The following KIAA1671 variants were observed in gnomAD, a reference collection of about 807,000 sequenced individuals.
KIAA1671 encodes KIAA1671.
Under a neutral mutation model 131.2 loss-of-function variants are expected in KIAA1671, and 52 were observed. The ratio of observed to expected loss-of-function variants is 0.40; its 90% CI spans 0.32 to 0.50. The LOEUF is 0.50. Ranked by LOEUF, KIAA1671 falls within the 20% of genes least tolerant of loss-of-function variation. The pLI is 0.73. For synonymous variants in KIAA1671, 1,003 were observed against 961.6 expected, an observed-to-expected ratio of 1.04 and a Z score of -0.80; for missense variants, 2,360 against 2,364.2, an observed-to-expected ratio of 1.00 and a Z score of 0.04.
At chr22:25,056,279 A>G (rs1001798719) in intron 6 of KIAA1671, 1 of 148,650 alleles carries the variant, frequency 6.7e-6, no homozygotes, top group African/African-American at 2.4e-5. Context: ...TCTTTGATGC[A>G]CAAAATTTAT....
At chr22:25,133,677 G>C (rs1241759041) in intron 6 of KIAA1671, among the ~76,000 whole-genome samples, 1 of 152,074 alleles carries the variant, frequency 6.6e-6, no homozygotes, top group Non-Finnish European at 1.5e-5. Context: ...CGAGTAGCTG[G>C]GACTACAGGC....
intron 1 of KIAA1671, among the ~76,000 whole-genome samples, chr22:24,987,677 C>T (rs961025486): frequency 6.6e-6 from 1 of 152,066 alleles, no homozygotes; most frequent in South Asian, 2.1e-4. Flanking sequence ...TGCTGTATTG[C>T]CCAGCCTGGC....
intron 1 of KIAA1671, among the ~76,000 whole-genome samples, chr22:24,959,123 A>G (rs1921880186): frequency 6.6e-6 from 1 of 152,030 alleles, no homozygotes; most frequent in South Asian, 2.1e-4. Flanking sequence ...TGATTGCACC[A>G]CTGCACTTTA....
At chr22:25,179,346 C>G in intron 9 of KIAA1671, 1 of 1,594,168 alleles carries the variant, frequency 6.3e-7, no homozygotes, top group African/African-American at 1.3e-5. Context: ...CTTGTTCCTG[C>G]GCACCTCGGC....
chr22:25,006,527 C>T (rs1924760623), intron 1 of KIAA1671, among the ~76,000 whole-genome samples: 2 of 152,148 alleles, frequency 1.3e-5, no homozygotes, highest in African/African-American at 2.4e-5. Flanking sequence ...GTTTTTCAGG[C>T]AGCCATTCAG....
At chr22:25,181,247 T>C (rs8139158) in intron 9 of KIAA1671, among the ~76,000 whole-genome samples, 49,475 of 151,866 alleles carry the variant, frequency 0.33, 8,453 homozygotes, top group East Asian at 0.48. Context: ...GATAGGGGAG[T>C]TGGGGTCAAG....
At chr22:25,167,591 A>T (rs2146006210) in intron 6 of KIAA1671, among the ~76,000 whole-genome samples, 1 of 152,294 alleles carries the variant, frequency 6.6e-6, no homozygotes, top group East Asian at 1.9e-4. Flanking sequence ...TTCTTTTAAA[A>T]TGTATTCTTT....
intron 6 of KIAA1671, among the ~76,000 whole-genome samples, chr22:25,108,788 C>T (rs1373159558): frequency 2.0e-5 from 3 of 152,092 alleles, no homozygotes; most frequent in African/African-American, 7.2e-5. Context: ...GTCTATGGGC[C>T]AGGAATTTGG....
rs188731836 is a variant in KIAA1671, at chr22:24,956,858, C to T, written c.-208+4086C>T. ...CTGCACTCCAGCCTGGGCGAGAGAG[C>T]GAGACTCTGTCTCAAAAAAAAAAAA... is the stretch of plus-strand genomic sequence containing the variant. On this transcript the variant is annotated intron_variant, in intron 1 of 12. Coordinates refer to ENST00000358431, the MANE Select transcript of KIAA1671 (RefSeq NM_001145206.2). Among the ~76,000 whole-genome samples, 489 of 128,462 alleles carry T rather than the reference C, an allele frequency of 3.8e-3. 3 individuals are homozygous for T. The highest frequency in any genetic ancestry group is 0.015 in the African/African-American group (450 of 31,006). The allele number at this position is 128,462 out of a possible 152,430, so 84.3% of individuals were successfully genotyped here.
rs759138647 is a variant in KIAA1671 at position 25,059,882 on chromosome 22, A to G, written c.4530+10518A>G. On this transcript the variant is annotated intron_variant, in intron 6 of 12. Transcript: ENST00000358431. Reference sequence around the variant, plus strand: ...AAATGGAGAATTTAGTTGGGGGCAGAATTCTGAGGGCAAAGTCCCTTCCAA... The same window carrying G: ...AAATGGAGAATTTAGTTGGGGGCAGGATTCTGAGGGCAAAGTCCCTTCCAA... 1.0e-3 allele frequency: 153 copies of G among 152,306 alleles called. 1 individual carries two copies. The highest frequency in any genetic ancestry group is 1.7e-3 in the Non-Finnish European group (118 of 68,014). 9.4% of individuals were successfully genotyped at this position (152,306 alleles called of 1,614,324 possible). A position where few individuals can be genotyped will look rare whatever the true frequency, so the allele number is the denominator to read the frequency against.
intron 1 of KIAA1671, among the ~76,000 whole-genome samples, chr22:24,981,062 C>CTGTGTG (rs35906863): frequency 0.042 from 6,248 of 148,872 alleles, 139 homozygotes; most frequent in East Asian, 0.078. Flanking sequence ...TTGTTATTTT[C>CTGTGTG]TGTGTGTGTG....
At chr22:25,089,266 A>ATT (rs34941122) in intron 6 of KIAA1671, among the ~76,000 whole-genome samples, 1,787 of 89,056 alleles carry the variant, frequency 0.02, 13 homozygotes, top group African/African-American at 0.053. Flanking sequence ...TGTGTGTTTA[A>ATT]TTTTTTTTTT....
chr22:24,962,349 C>G (rs2123799748), intron 1 of KIAA1671, among the ~76,000 whole-genome samples: 1 of 152,246 alleles, frequency 6.6e-6, no homozygotes, highest in Admixed American at 6.5e-5. Context: ...CTGTGAAATG[C>G]TTGGCATGAG....
At chr22:25,165,067 G>A (rs989878391) in intron 6 of KIAA1671, among the ~76,000 whole-genome samples, 1 of 151,314 alleles carries the variant, frequency 6.6e-6, no homozygotes, top group African/African-American at 2.4e-5. Context: ...CTAAGCTCAA[G>A]TGTTGATTTG....
chr22:25,003,127 T>A (rs2043748688), intron 1 of KIAA1671, among the ~76,000 whole-genome samples: 1 of 152,196 alleles, frequency 6.6e-6, no homozygotes, highest in Non-Finnish European at 1.5e-5. Context: ...CACATTCATT[T>A]ATCAGAAGGC....
intron 1 of KIAA1671, among the ~76,000 whole-genome samples, chr22:24,979,187 T>G (rs901012526): frequency 2.8e-5 from 4 of 140,660 alleles, no homozygotes; most frequent in Non-Finnish European, 6.2e-5. Flanking sequence ...TTTTTTTTTT[T>G]TTTTTTTAGT....
intron 6 of KIAA1671, among the ~76,000 whole-genome samples, chr22:25,085,991 C>T (rs745395668): frequency 1.3e-5 from 2 of 152,068 alleles, no homozygotes; most frequent in Non-Finnish European, 2.9e-5. Flanking sequence ...TGACACAGTG[C>T]CTGACATCCA....
chr22:25,008,645 C>G (rs1375529765), intron 1 of KIAA1671, among the ~76,000 whole-genome samples: 1 of 152,222 alleles, frequency 6.6e-6, no homozygotes, highest in Non-Finnish European at 1.5e-5. Flanking sequence ...TGGGCCTCAT[C>G]ATGAAACCCA....
chr22:24,991,604 G>A (rs1181832953), intron 1 of KIAA1671, among the ~76,000 whole-genome samples: 3 of 149,342 alleles, frequency 2.0e-5, no homozygotes, highest in African/African-American at 7.5e-5. Flanking sequence ...CTACAGGCAC[G>A]TGCCACCACG....
Sources: allele counts gnomAD v4.1 joint callset (sites outside exome capture counted in the v4.1 genomes callset), GRCh38; gene constraint gnomAD v4.1.1; transcripts MANE v1.5; gene names NCBI Gene and HGNC (gene_info 2026-07-23, HGNC 2026-07-21).